CERS4: variants seen among roughly 807,000 people sequenced by gnomAD.
CERS4 encodes ceramide synthase 4, also known as LAG1 homolog, ceramide synthase 4.
In CERS4, 65 loss-of-function variants were observed where a neutral mutation model predicts 51.8. The ratio of observed to expected loss-of-function variants is 1.26; its 90% confidence interval spans 1.03 to 1.54. CERS4 has a LOEUF of 1.54. Ranked by LOEUF, CERS4 falls within the 40% of genes most tolerant of loss-of-function variation. The pLI is 0.00. For synonymous variants in CERS4, 228 were observed against 208.4 expected (o/e 1.09, Z -0.81); for missense variants, 563 against 500.4 (o/e 1.13, Z -1.19).
chr19:8,229,666 C>T (rs1393806609), intron 2 of CERS4, among the ~76,000 whole-genome samples: 2 of 152,082 alleles, frequency 1.3e-5, no homozygotes, highest in African/African-American at 4.8e-5. Flanking sequence ...CCTGCCTTGG[C>T]CTCCCAAAGT....
intron 2 of CERS4, among the ~76,000 whole-genome samples, chr19:8,215,666 C>T (rs949225310): frequency 1.3e-5 from 2 of 152,062 alleles, no homozygotes; most frequent in African/African-American, 4.8e-5. Context: ...AATTTAGACA[C>T]TTGGATGCTG....
intron 2 of CERS4, chr19:8,240,574 C>T (rs981204674): frequency 4.8e-5 from 4 of 83,490 alleles, no homozygotes; most frequent in Admixed American, 1.2e-4. Flanking sequence ...GTGAGTGAGT[C>T]AATGTATGCA....
intron 2 of CERS4, among the ~76,000 whole-genome samples, chr19:8,217,086 T>C (rs1174427368): frequency 6.6e-6 from 1 of 151,972 alleles, no homozygotes; most frequent in Non-Finnish European, 1.5e-5. Context: ...AGACAGGACA[T>C]TTATGACTTT....
intron 2 of CERS4, among the ~76,000 whole-genome samples, chr19:8,224,531 C>G (rs1308659972): frequency 6.6e-6 from 1 of 152,068 alleles, no homozygotes; most frequent in African/African-American, 2.4e-5. Flanking sequence ...GAGGAAGTGT[C>G]TGTTGAACAG....
At chr19:8,221,879 T>G (rs1168294765) in intron 2 of CERS4, among the ~76,000 whole-genome samples, 1 of 92,232 alleles carries the variant, frequency 1.1e-5, no homozygotes, top group Non-Finnish European at 2.3e-5. Context: ...TATGTTTTTT[T>G]TTTTTTTTTT....
chr19:8,261,023 G>T (rs1276361499), intron 10 of CERS4: 1 of 152,072 alleles, frequency 6.6e-6, no homozygotes, highest in Non-Finnish European at 1.5e-5. Context: ...TGGGAGCTGG[G>T]CTCCAGGACA....
At chr19:8,233,041 A>C (rs1188938040) in intron 2 of CERS4, among the ~76,000 whole-genome samples, 1 of 151,070 alleles carries the variant, frequency 6.6e-6, no homozygotes, top group African/African-American at 2.4e-5. Flanking sequence ...GCCAGCCTGA[A>C]TCTTTTTATT....
At position 8,255,607 on chromosome 19, in the gene CERS4, C is replaced by G. The variant is rs1357681553; in HGVS notation, c.292C>G (p.Pro98Ala). 2 of 1,610,370 alleles carry G rather than the reference C, an allele frequency of 1.2e-6. No individual in the cohort carries two copies. Among genetic ancestry groups the G allele is most frequent in the Non-Finnish European group, 1.7e-6 (2 of 1,179,102 alleles). The change falls in exon 5 of 12, where the codon CCC (proline) becomes GCC (alanine). Residue 98 changes from proline to alanine, a missense_variant and splice_region_variant. Coordinates refer to ENST00000251363, the MANE Select transcript of CERS4 (RefSeq NM_024552.3). ...FLTEGHRPKE[P>A]QLSLLAAQCG... ...CTTGTCCTCATCACCCCCTCCCCAG[C>G]CCCAGCTGTCTCTCCTGGCCGCCCA...
intron 2 of CERS4, among the ~76,000 whole-genome samples, chr19:8,216,942 C>T (rs893459695): frequency 2.0e-5 from 3 of 152,078 alleles, no homozygotes; most frequent in African/African-American, 7.2e-5. Context: ...TGACTCCATG[C>T]CTCACTTTCC....
chr19:8,237,413 C>T (rs1003496323), intron 2 of CERS4, among the ~76,000 whole-genome samples: 2 of 151,878 alleles, frequency 1.3e-5, no homozygotes, highest in Admixed American at 6.6e-5. Context: ...AAGTTAGCCA[C>T]GCATGGTGGT....
intron 2 of CERS4, among the ~76,000 whole-genome samples, chr19:8,213,715 C>T (rs899388519): frequency 6.6e-6 from 1 of 152,080 alleles, no homozygotes; most frequent in African/African-American, 2.4e-5. Flanking sequence ...CCTGTAATCC[C>T]AGCACTTTGA....
At chr19:8,229,733 G>A (rs1465091790) in intron 2 of CERS4, among the ~76,000 whole-genome samples, 1 of 151,278 alleles carries the variant, frequency 6.6e-6, no homozygotes, top group Admixed American at 6.6e-5. Context: ...TTGAGAAAGG[G>A]TCTCACTCTG....
At chr19:8,231,776 T>G (rs1047191243) in intron 2 of CERS4, among the ~76,000 whole-genome samples, 12 of 151,836 alleles carry the variant, frequency 7.9e-5, no homozygotes, top group African/African-American at 2.9e-4. Flanking sequence ...ATGGTCTCGA[T>G]TTCCTGACCT....
At chr19:8,234,976 C>G (rs558574163) in intron 2 of CERS4, among the ~76,000 whole-genome samples, 1 of 151,030 alleles carries the variant, frequency 6.6e-6, no homozygotes, top group Non-Finnish European at 1.5e-5. Flanking sequence ...CAAGATTTAT[C>G]CATATTGTAT....
intron 2 of CERS4, among the ~76,000 whole-genome samples, chr19:8,245,134 A>C (rs1386433549): frequency 6.7e-6 from 1 of 148,434 alleles, no homozygotes; most frequent in African/African-American, 2.5e-5. Flanking sequence ...AAAAAAAAAA[A>C]ACACTCTTGG....
At chr19:8,221,872 GTT>G (rs71165297) in intron 2 of CERS4, among the ~76,000 whole-genome samples, 11 of 39,482 alleles carry the variant, frequency 2.8e-4, no homozygotes, top group African/African-American at 9.2e-4. Context: ...ATTTTTTTAT[GTT>G]TTTTTTTTTT....
chr19:8,258,110 G>A, intron 10 of CERS4, 125 bp downstream of exon 10: 1 of 774,968 alleles, frequency 1.3e-6, no homozygotes, highest in Non-Finnish European at 2.2e-6. Flanking sequence ...TCCAGGAGGA[G>A]GCAGGGAAGG....
intron 2 of CERS4, chr19:8,238,477 G>T (rs1968371989): frequency 3.0e-6 from 3 of 984,062 alleles, no homozygotes; most frequent in African/African-American, 3.5e-5. Flanking sequence ...CTGGTCTTGG[G>T]AATCATACCA....
chr19:8,221,872 G>GTT (rs71165297), intron 2 of CERS4, among the ~76,000 whole-genome samples: 6,080 of 39,280 alleles, frequency 0.15, 2,363 homozygotes, highest in Non-Finnish European at 0.18. Flanking sequence ...ATTTTTTTAT[G>GTT]TTTTTTTTTT....
Sources: allele counts gnomAD v4.1 joint callset (sites outside exome capture counted in the v4.1 genomes callset), GRCh38; gene constraint gnomAD v4.1.1; transcripts MANE v1.5; gene names NCBI Gene and HGNC (gene_info 2026-07-23, HGNC 2026-07-21).